SEMA6D: variants seen among roughly 807,000 people sequenced by gnomAD.
SEMA6D encodes semaphorin-6D.
In SEMA6D, 35 loss-of-function variants were observed where a neutral mutation model predicts 106.6. The ratio of observed to expected loss-of-function variants is 0.33; its 90% CI spans 0.25 to 0.44. The LOEUF (loss-of-function observed/expected upper bound fraction) is 0.44, where lower values mean the gene tolerates loss of function less well. Ranked by LOEUF, SEMA6D falls within the 20% of genes least tolerant of loss-of-function variation. SEMA6D has a pLI of 1.00. For missense variants in SEMA6D, 1,185 were observed against 1,345.9 expected (o/e 0.88, Z 1.87); for synonymous variants, 499 against 487.7 (o/e 1.02, Z -0.31).
intron 1 of SEMA6D, among the ~76,000 whole-genome samples, chr15:47,386,288 T>C (rs764151902): frequency 3.3e-5 from 5 of 152,064 alleles, no homozygotes; most frequent in Admixed American, 6.6e-5. Context: ...GGGGAATCAA[T>C]TATTGCACCA....
chr15:47,264,920 G>A (rs996528537), intron 1 of SEMA6D, among the ~76,000 whole-genome samples: 59 of 152,100 alleles, frequency 3.9e-4, no homozygotes, highest in African/African-American at 1.4e-3. Flanking sequence ...TGCTTTAACT[G>A]ATTTTTGGGA....
At chr15:47,327,987 G>A (rs2037198194) in intron 1 of SEMA6D, among the ~76,000 whole-genome samples, 2 of 152,118 alleles carry the variant, frequency 1.3e-5, no homozygotes, top group Admixed American at 1.3e-4. Flanking sequence ...GGAAAATGAG[G>A]CTAACATTTT....
intron 1 of SEMA6D, among the ~76,000 whole-genome samples, chr15:47,299,903 G>C (rs934962236): frequency 1.6e-5 from 2 of 127,556 alleles, no homozygotes; most frequent in African/African-American, 6.0e-5. Flanking sequence ...TTAGTGTGGA[G>C]AATTATTAAA....
At chr15:47,676,102 T>G (rs1027641401) in intron 4 of SEMA6D, among the ~76,000 whole-genome samples, 2 of 152,144 alleles carry the variant, frequency 1.3e-5, no homozygotes, top group African/African-American at 2.4e-5. Context: ...TCTCTCTCCT[T>G]TGCCTACCCG....
intron 1 of SEMA6D, among the ~76,000 whole-genome samples, chr15:47,344,614 A>G (rs1481156368): frequency 6.6e-6 from 1 of 152,198 alleles, no homozygotes; most frequent in Non-Finnish European, 1.5e-5. Context: ...AGAAGTCTTG[A>G]AAAGAGAAAG....
At chr15:47,655,027 T>C (rs963485556) in intron 4 of SEMA6D, among the ~76,000 whole-genome samples, 1 of 152,222 alleles carries the variant, frequency 6.6e-6, no homozygotes, top group African/African-American at 2.4e-5. Context: ...TGTCTAACTG[T>C]CTCATGGTGG....
chr15:47,756,230 T>C (rs1183090017), intron 1 of SEMA6D, among the ~76,000 whole-genome samples: 4 of 152,188 alleles, frequency 2.6e-5, no homozygotes, highest in African/African-American at 9.6e-5. Flanking sequence ...GGCCTGTACA[T>C]CTGTGAAGGT....
At chr15:47,711,084 C>T (rs369233177) in intron 4 of SEMA6D, among the ~76,000 whole-genome samples, 7 of 151,678 alleles carry the variant, frequency 4.6e-5, no homozygotes, top group African/African-American at 1.7e-4. Flanking sequence ...CCGAGGCGGG[C>T]GGATCACGAG....
At chr15:47,316,431 A>G (rs1163432657) in intron 1 of SEMA6D, among the ~76,000 whole-genome samples, 1 of 151,928 alleles carries the variant, frequency 6.6e-6, no homozygotes, top group Non-Finnish European at 1.5e-5. Flanking sequence ...TACTTCCAGT[A>G]TAGTGTTTAA....
chr15:47,285,282 C>T (rs1389746295), intron 1 of SEMA6D, among the ~76,000 whole-genome samples: 7 of 151,536 alleles, frequency 4.6e-5, no homozygotes, highest in African/African-American at 1.7e-4. Flanking sequence ...TTTTTTTAAC[C>T]TTTCTAGTGG....
At chr15:47,330,854 C>T (rs186894053) in intron 1 of SEMA6D, among the ~76,000 whole-genome samples, 76 of 152,060 alleles carry the variant, frequency 5.0e-4, no homozygotes, top group East Asian at 3.9e-4. Flanking sequence ...GTGTGAGAGT[C>T]GCTGCTTATA....
At chr15:47,325,397 T>G (rs1595735994) in intron 1 of SEMA6D, among the ~76,000 whole-genome samples, 3 of 152,246 alleles carry the variant, frequency 2.0e-5, no homozygotes, top group East Asian at 1.9e-4. Flanking sequence ...GGTCTCAAAC[T>G]CCTGACCTCA....
intron 3 of SEMA6D, among the ~76,000 whole-genome samples, chr15:47,553,656 T>C (rs1017876328): frequency 8.5e-5 from 13 of 152,164 alleles, no homozygotes; most frequent in Admixed American, 5.2e-4. Flanking sequence ...CAAACCAGGC[T>C]GTATTCAGCT....
chr15:47,436,700 G>A (rs1011231512), intron 2 of SEMA6D, among the ~76,000 whole-genome samples: 9 of 149,700 alleles, frequency 6.0e-5, no homozygotes, highest in African/African-American at 1.7e-4. Context: ...GGAAGTCAAG[G>A]CCAAAGGATC....
intron 4 of SEMA6D, among the ~76,000 whole-genome samples, chr15:47,658,194 A>C (rs2077842587): frequency 6.6e-6 from 1 of 152,132 alleles, no homozygotes; most frequent in Non-Finnish European, 1.5e-5. Flanking sequence ...TAAGATGTTA[A>C]ATTTTATCCA....
intron 1 of SEMA6D, among the ~76,000 whole-genome samples, chr15:47,325,051 C>A (rs1247690661): frequency 6.6e-6 from 1 of 152,120 alleles, no homozygotes; most frequent in African/African-American, 2.4e-5. Flanking sequence ...TGTGGCACTT[C>A]CCCCAACTTA....
intron 4 of SEMA6D, among the ~76,000 whole-genome samples, chr15:47,682,027 T>C (rs746661639): frequency 5.3e-5 from 8 of 152,170 alleles, no homozygotes; most frequent in Non-Finnish European, 1.2e-4. Context: ...CTCCATAACA[T>C]TAATCTTCCA....
chr15:47,626,433 C>T (rs948064153), intron 4 of SEMA6D, among the ~76,000 whole-genome samples: 1 of 152,172 alleles, frequency 6.6e-6, no homozygotes, highest in African/African-American at 2.4e-5. Flanking sequence ...GGCCAGTAAC[C>T]TACATGCTTA....
chr15:47,484,208 T>C (rs528888279), intron 3 of SEMA6D, among the ~76,000 whole-genome samples: 5 of 152,278 alleles, frequency 3.3e-5, no homozygotes, highest in Non-Finnish European at 5.9e-5. Flanking sequence ...GAAGGGTATT[T>C]TCAGTCTCTT....
Sources: gnomAD v4.1 joint callset for allele counts (sites outside exome capture counted in the v4.1 genomes callset) on GRCh38, gnomAD v4.1.1 for gene constraint, MANE v1.5 for transcripts, NCBI Gene and HGNC (gene_info 2026-07-23, HGNC 2026-07-21) for gene names.